CLMN: variants seen among roughly 807,000 people sequenced by gnomAD.
The protein encoded by CLMN is calmin (calponin-like, transmembrane).
CLMN carries 57 observed loss-of-function variants against 92.7 expected under a neutral mutation model. That is an observed-to-expected ratio of 0.61 (90% CI 0.50 to 0.77). The LOEUF is 0.77. Among genes scored for constraint, CLMN ranks in the 30% least tolerant of loss-of-function variants. The probability of loss-of-function intolerance (pLI) is 0.00; values close to 1 mark genes in which losing one functional copy is unlikely to be tolerated. For synonymous variants in CLMN, 466 were observed against 470.6 expected (o/e 0.99, Z 0.13); for missense variants, 1,158 against 1,237.5 (o/e 0.94, Z 0.96).
chr14:95,245,461 G>A (rs1472467252), intron 1 of CLMN, among the ~76,000 whole-genome samples: 1 of 149,564 alleles, frequency 6.7e-6, no homozygotes, highest in Non-Finnish European at 1.5e-5. Context: ...GTACAGATGC[G>A]TGATGGATGG....
rs769336473 is a variant in CLMN at position 95,204,273 on chromosome 14, A to T, written c.1076T>A (p.Met359Lys). The change falls in exon 9 of 13, where the codon ATG becomes AAG. Residue 359 changes from methionine (M) to lysine (K), a missense_variant. Transcript: ENST00000298912. The stretch of plus-strand genomic sequence containing the variant: ...AACACCATCCAGGCGGAATTCCTTC[A>T]TGCTCTCGGGCTTGTCACAGACAAA... ...KVFVCDKPESMKEFRLDGVSS... is the reference protein window; with the variant it reads ...KVFVCDKPESKKEFRLDGVSS... 6 of 1,614,134 alleles carry T rather than the reference A, an allele frequency of 3.7e-6. No individual in the cohort carries two copies. The Admixed American group carries it at 1.0e-4, about 27-fold the overall frequency.
intron 1 of CLMN, among the ~76,000 whole-genome samples, chr14:95,286,938 G>T (rs1900366879): frequency 6.6e-6 from 1 of 152,220 alleles, no homozygotes. Context: ...GCTGTGAAAG[G>T]TGGCATCTAT....
At chr14:95,237,463 G>A (rs1204313103) in intron 1 of CLMN, among the ~76,000 whole-genome samples, 5 of 152,202 alleles carry the variant, frequency 3.3e-5, no homozygotes, top group Admixed American at 2.6e-4. Flanking sequence ...TGGCAGAGAG[G>A]GACTGGCTAC....
At position 95,275,953 on chromosome 14, in the gene CLMN, A is replaced by G. The variant is rs1005682897; in HGVS notation, c.82+43758T>C. Among the ~76,000 whole-genome samples, 20 of 152,184 alleles carry G rather than the reference A, an allele frequency of 1.3e-4. No homozygotes were observed. In the East Asian group the frequency reaches 3.7e-3, roughly 28 times the overall value. ...GCTGGGATTACAGGCATGAGCCACC[A>G]TGCCTGGCCTTTTTCCTTTACTTTC... On this transcript the variant is annotated intron_variant, in intron 1 of 12. Transcript: ENST00000298912.
intron 1 of CLMN, among the ~76,000 whole-genome samples, chr14:95,253,220 C>T (rs771208382): frequency 6.6e-6 from 1 of 152,184 alleles, no homozygotes; most frequent in Non-Finnish European, 1.5e-5. Flanking sequence ...TCTGCCTGCA[C>T]GAAGTGGAGT....
At chr14:95,215,617 G>T in intron 5 of CLMN, 24 bp downstream of exon 5, 2 of 1,592,898 alleles carry the variant, frequency 1.3e-6, no homozygotes, top group East Asian at 2.2e-5. Flanking sequence ...ATGATTGTGT[G>T]TTTTGGAAAA....
intron 9 of CLMN, 43 bp downstream of exon 9, chr14:95,202,795 T>C: frequency 6.7e-7 from 1 of 1,498,256 alleles, no homozygotes; most frequent in East Asian, 2.3e-5. Context: ...CTATCAAGTT[T>C]CCCAGGCAGG....
intron 1 of CLMN, among the ~76,000 whole-genome samples, chr14:95,317,986 C>A (rs368005468): frequency 6.6e-6 from 1 of 152,156 alleles, no homozygotes; most frequent in Non-Finnish European, 1.5e-5. Context: ...TCCTACCCAA[C>A]CTCCAGGACC....
At chr14:95,211,248 G>A (rs1897188839) in intron 6 of CLMN, among the ~76,000 whole-genome samples, 1 of 152,156 alleles carries the variant, frequency 6.6e-6, no homozygotes. Context: ...TTGTACCTCA[G>A]CTGTCCCCTC....
At chr14:95,195,303 A>C (rs11848792) in intron 10 of CLMN, among the ~76,000 whole-genome samples, 31,345 of 152,168 alleles carry the variant, frequency 0.21, 3,863 homozygotes, top group African/African-American at 0.34. Flanking sequence ...CAGCGACATG[A>C]GAAGATCATA....
Position 95,194,228 on chromosome 14 carries a change from G to T in CLMN, c.2769+308C>A. ...TGTCCATCGGACCTTGACTCATGTTGCACCTCTGTCTCTGAACGTGATCCT... is the reference window on the plus strand; with the variant it reads ...TGTCCATCGGACCTTGACTCATGTTTCACCTCTGTCTCTGAACGTGATCCT... On this transcript the variant is annotated intron_variant, in intron 11 of 12. Transcript: ENST00000298912. This position sits in a 1 kb window ranked among gnomAD's most constrained non-coding sequence, Gnocchi z 4.0. 1 of 1,391,710 alleles carries T rather than the reference G, an allele frequency of 7.2e-7. No individual in the cohort carries two copies. Among genetic ancestry groups the T allele is most frequent in the Non-Finnish European group, 9.3e-7 (1 of 1,076,994 alleles). 86.2% of individuals were successfully genotyped at this position (1,391,710 alleles called of 1,614,324 possible).
chr14:95,312,194 C>T (rs926330429), intron 1 of CLMN, among the ~76,000 whole-genome samples: 5 of 152,288 alleles, frequency 3.3e-5, no homozygotes, highest in Admixed American at 6.5e-5. Context: ...AGTTCCTACA[C>T]GCTGATCTCA....
At chr14:95,276,687 T>C (rs928470154) in intron 1 of CLMN, among the ~76,000 whole-genome samples, 1 of 152,192 alleles carries the variant, frequency 6.6e-6, no homozygotes, top group Non-Finnish European at 1.5e-5. Flanking sequence ...AGAGACCACA[T>C]GTTGAAACTC....
At chr14:95,297,095 T>C (rs1257799219) in intron 1 of CLMN, among the ~76,000 whole-genome samples, 1 of 152,174 alleles carries the variant, frequency 6.6e-6, no homozygotes, top group East Asian at 1.9e-4. Flanking sequence ...TGGCTTTCCC[T>C]GCAGATATCA....
At chr14:95,245,219 TA>T (rs1898462224) in intron 1 of CLMN, among the ~76,000 whole-genome samples, 1 of 29,822 alleles carries the variant, frequency 3.4e-5, no homozygotes, top group African/African-American at 2.1e-4. Flanking sequence ...TATATATATA[TA>T]TATATTATAT....
intron 6 of CLMN, among the ~76,000 whole-genome samples, chr14:95,211,734 CAG>C (rs1897204392): frequency 6.6e-6 from 1 of 151,782 alleles, no homozygotes; most frequent in Admixed American, 6.6e-5. Flanking sequence ...AAACACAGTA[CAG>C]AGAGTCTCTA....
At chr14:95,211,249 C>T (rs1897188935) in intron 6 of CLMN, among the ~76,000 whole-genome samples, 1 of 152,230 alleles carries the variant, frequency 6.6e-6, no homozygotes. Context: ...TGTACCTCAG[C>T]TGTCCCCTCT....
chr14:95,258,645 T>TGC (rs1338310023), intron 1 of CLMN, among the ~76,000 whole-genome samples: 6 of 143,762 alleles, frequency 4.2e-5, no homozygotes, highest in Middle Eastern at 3.6e-3. Flanking sequence ...GTGGTGTGTG[T>TGC]GTGGAGGGTG....
Position 95,203,181 on chromosome 14 carries a change from G to A in CLMN, c.2168C>T (p.Pro723Leu), listed in dbSNP as rs533804797. Residue 723 changes from proline (P) to leucine (L), a missense_variant, in exon 9 of 13, where the codon CCC becomes CTC. By Grantham distance (98) the Pro-to-Leu change is moderately conservative. Transcript: ENST00000298912. ...GTGTGGGAAATAGAAGAGGTCGTGG[G>A]GAATGACGGAAACCTTTGAGAGGGG... ...SPPLSKVSVIPHDLFYFPHYE... is the reference protein window; with the variant it reads ...SPPLSKVSVILHDLFYFPHYE... The A allele has an allele frequency of 1.2e-5, 20 of 1,613,054 alleles. No homozygotes were observed. In the African/African-American group the frequency reaches 1.6e-4, roughly 13 times the overall value.
Sources: gnomAD v4.1 joint callset for allele counts (sites outside exome capture counted in the v4.1 genomes callset) on GRCh38, gnomAD v4.1.1 for gene constraint, Gnocchi (gnomAD v3.1) non-coding constraint, MANE v1.5 for transcripts, NCBI Gene and HGNC (gene_info 2026-07-23, HGNC 2026-07-21) for gene names.